Variants in MDN1 observed in about 807,000 individuals in gnomAD.
The protein encoded by MDN1 is midasin.
MDN1 carries 266 observed loss-of-function variants against 669.2 expected under a neutral mutation model. The ratio of observed to expected loss-of-function variants is 0.40; its 90% CI spans 0.36 to 0.44. The LOEUF is 0.44. Ranked by LOEUF, MDN1 falls within the 20% of genes least tolerant of loss-of-function variation. The pLI is 1.00. For synonymous variants in MDN1, 2,385 were observed against 2,457.1 expected, an observed-to-expected ratio of 0.97 and a Z score of 0.87; for missense variants, 5,940 against 6,754.0, an observed-to-expected ratio of 0.88 and a Z score of 4.22.
Position 89,673,228 on chromosome 6 carries a change from T to A in MDN1, c.13474+8A>T. The stretch of plus-strand genomic sequence containing the variant: ...ACTTTCATTCCCTGACTGAACAATA[T>A]TCCTTACCTCCTTGGCTATCTGAAG... On this transcript the variant is annotated splice_region_variant and intron_variant, in intron 80 of 101. Coordinates refer to ENST00000369393, the MANE Select transcript of MDN1 (RefSeq NM_014611.3). 1 of 1,606,780 alleles carries A rather than the reference T, an allele frequency of 6.2e-7. No homozygotes were observed. The highest frequency in any genetic ancestry group is 8.5e-7 in the Non-Finnish European group (1 of 1,173,300).
At chr6:89,666,986 T>C (rs1165908508) in intron 84 of MDN1, among the ~76,000 whole-genome samples, 5 of 152,248 alleles carry the variant, frequency 3.3e-5, no homozygotes, top group Non-Finnish European at 7.3e-5. Flanking sequence ...TAAATATCCA[T>C]GTGTAGACAT....
chr6:89,772,579 T>C lies in MDN1; in HGVS notation c.2077A>G (p.Ile693Val), dbSNP rs967596606. The C allele has an allele frequency of 6.2e-6, 10 of 1,614,000 alleles. No individual in the cohort carries two copies. The highest frequency in any genetic ancestry group is 8.5e-6 in the Non-Finnish European group (10 of 1,179,956). Residue 693 changes from isoleucine to valine, a missense_variant, in exon 14 of 102, where the codon ATT (isoleucine) becomes GTT (valine). This residue lies in a region of MDN1 where 1,203 missense variants were observed against 1,268.9 expected (regional missense o/e 0.95). Coordinates refer to ENST00000369393, the MANE Select transcript of MDN1 (RefSeq NM_014611.3). ...TATTTCCTCTAGGGATTACCTGTAA[T>C]GTGAGCCAAGTATTGGATGGTAGAG... is the stretch of plus-strand genomic sequence containing the variant. ...KTSTIQYLAH[I>V]TGHRLRVVNM...
At chr6:89,699,517 T>C in intron 58 of MDN1, 84 bp downstream of exon 58, 1 of 1,451,222 alleles carries the variant, frequency 6.9e-7, no homozygotes, top group South Asian at 1.5e-5. Flanking sequence ...TGAGAATAAA[T>C]AAAATGTTTC....
chr6:89,645,279 C>G, intron 100 of MDN1, 122 bp from the exon 101 acceptor site: 3 of 1,054,344 alleles, frequency 2.8e-6, no homozygotes, highest in Non-Finnish European at 4.0e-6. Context: ...CTAAACAGAC[C>G]TCTAAAGCTG....
chr6:89,796,091 G>A (rs1349067141), intron 2 of MDN1, among the ~76,000 whole-genome samples: 1 of 152,016 alleles, frequency 6.6e-6, no homozygotes, highest in Non-Finnish European at 1.5e-5. Flanking sequence ...TTGGGAGGCT[G>A]AGGTAGGCAG....
chr6:89,803,457 G>T lies in MDN1; in HGVS notation c.200C>A (p.Pro67His). The change falls in exon 2 of 102, where the codon CCT becomes CAT. Residue 67 changes from proline (P) to histidine (H), a missense_variant. Around this residue, in one of 5 missense-constraint regions of MDN1, gnomAD observed 1,203 missense variants for 1,268.9 expected, o/e 0.95. Coordinates refer to ENST00000369393, the MANE Select transcript of MDN1 (RefSeq NM_014611.3). ...CTVLVGRQLR[P>H]LLLDLLERNA... ...CCTTTCCAGCAAATCCAAAAGGAGA[G>T]GGCGAAGCTGGCGACCAACCAGCAC... 6.2e-7 allele frequency: 1 copy of T among 1,614,154 alleles called. No individual in the cohort carries two copies. The highest frequency in any genetic ancestry group is 8.5e-7 in the Non-Finnish European group (1 of 1,180,014).
chr6:89,710,619 C>A (rs1451924219), intron 50 of MDN1, 62 bp downstream of exon 50: 1 of 951,072 alleles, frequency 1.1e-6, no homozygotes. Flanking sequence ...GATCTTTTCC[C>A]CATAAAGTCA....
chr6:89,753,767 G>A (rs1817085678), intron 21 of MDN1, 145 bp from the exon 22 acceptor site: 1 of 717,446 alleles, frequency 1.4e-6, no homozygotes. Context: ...GGGAAGGGTA[G>A]GCCAGGCACG....
In MDN1 at chr6:89,689,860, A is replaced by T. The variant is rs1812260785; in HGVS notation, c.11023+10T>A. On this transcript the variant is annotated intron_variant, in intron 65 of 101. Transcript: ENST00000369393. ...TTTCCCAGGGGCATAACAAAAGTAAACTACCATACCCATCAGGGGGTAGAA... is the reference window on the plus strand; with the variant it reads ...TTTCCCAGGGGCATAACAAAAGTAATCTACCATACCCATCAGGGGGTAGAA... 6.2e-7 allele frequency: 1 copy of T among 1,608,956 alleles called. No homozygotes were observed. The highest frequency in any genetic ancestry group is 8.5e-7 in the Non-Finnish European group (1 of 1,176,436).
At chr6:89,776,456 G>A (rs966055614) in intron 12 of MDN1, 144 bp downstream of exon 12, 6 of 602,188 alleles carry the variant, frequency 1.0e-5, no homozygotes, top group African/African-American at 5.6e-5. Context: ...GTATGCCCAC[G>A]AGAGGCTGCA....
chr6:89,746,278 T>C (rs1238165501), intron 27 of MDN1, among the ~76,000 whole-genome samples: 2 of 152,148 alleles, frequency 1.3e-5, no homozygotes, highest in Non-Finnish European at 2.9e-5. Context: ...TGCTTTACTG[T>C]TTGTTACACC....
rs1400060499 is a variant in MDN1 at position 89,695,710 on chromosome 6, G to T, written c.9666C>A (p.Ser3222Arg). ...RSLPEPAQRG[S>R]LWVSLGLLQI... ...GGAGCAAGCCGAGGCTCACCCAGAG[G>T]CTCCCACGCTGGGCTGGCTCAGGCA... The change falls in exon 61 of 102, where the codon AGC (serine) becomes AGA (arginine). Residue 3222 changes from serine (S) to arginine (R), a missense_variant. Ser to Arg is a moderately radical substitution (Grantham distance 110, BLOSUM62 -1). This residue lies in a region of MDN1 where 2,292 missense variants were observed against 2,638.3 expected (regional missense o/e 0.87). Transcript: ENST00000369393. The surrounding 1 kb of genome is among the most constrained non-coding windows in gnomAD (Gnocchi z 4.1). The T allele has an allele frequency of 6.2e-7, 1 of 1,613,632 alleles. No homozygotes were observed. Among genetic ancestry groups the T allele is most frequent in the Non-Finnish European group, 8.5e-7 (1 of 1,180,028 alleles).
In MDN1 at chr6:89,672,535, T is replaced by C. The variant is rs756830561; in HGVS notation, c.13630+12A>G. 1 of 1,606,006 alleles carries C rather than the reference T, an allele frequency of 6.2e-7. No homozygotes were observed. Among genetic ancestry groups the C allele is most frequent in the Non-Finnish European group, 8.5e-7 (1 of 1,177,128 alleles). On this transcript the variant is annotated intron_variant, in intron 81 of 101. Coordinates refer to ENST00000369393, the MANE Select transcript of MDN1 (RefSeq NM_014611.3). ...AGGCATGAAACTAATTTCTGCCTGATTTCAGACATACCATAATCTTCTTGT... is the reference window on the plus strand; with the variant it reads ...AGGCATGAAACTAATTTCTGCCTGACTTCAGACATACCATAATCTTCTTGT...
chr6:89,796,338 A>AAC (rs541836279), intron 2 of MDN1, among the ~76,000 whole-genome samples: 12,852 of 133,768 alleles, frequency 0.096, 805 homozygotes, highest in Non-Finnish European at 0.13. Flanking sequence ...AAAAAAAAAA[A>AAC]AAAAAAAAAA....
At chr6:89,659,714 G>A (rs1195456341) in intron 88 of MDN1, among the ~76,000 whole-genome samples, 1 of 152,134 alleles carries the variant, frequency 6.6e-6, no homozygotes, top group Non-Finnish European at 1.5e-5. Flanking sequence ...GCAGCTTAAT[G>A]CTCAATTATC....
chr6:89,783,281 G>C (rs536942185), intron 9 of MDN1, among the ~76,000 whole-genome samples: 1 of 152,086 alleles, frequency 6.6e-6, no homozygotes, highest in African/African-American at 2.4e-5. Context: ...CATTCCCGGG[G>C]GGGAGGTCTA....
intron 2 of MDN1, among the ~76,000 whole-genome samples, chr6:89,795,845 T>C (rs1032428433): frequency 3.3e-5 from 5 of 151,608 alleles, no homozygotes; most frequent in African/African-American, 1.2e-4. Flanking sequence ...ATCCCAGCTA[T>C]TCGGGACGTC....
Position 89,642,677 on chromosome 6 carries a change from T to TGTTAG in MDN1, c.*1327_*1328insCTAAC, listed in dbSNP as rs1465423170. 6.6e-6 allele frequency: 1 copy of TGTTAG among 152,240 alleles called. No individual in the cohort carries two copies. The highest frequency in any genetic ancestry group is 2.4e-5 in the African/African-American group (1 of 41,460). 9.4% of individuals were successfully genotyped at this position (152,240 alleles called of 1,614,324 possible). On this transcript the variant is annotated 3_prime_UTR_variant, in exon 102 of 102. Coordinates refer to ENST00000369393, the MANE Select transcript of MDN1 (RefSeq NM_014611.3). ...AGGAGGGGATCATGTTAGCACAGCA[T>TGTTAG]CAACTAGTAACAGCTGACTGACTGA...
At chr6:89,742,257 G>T (rs1280423857) in intron 31 of MDN1, among the ~76,000 whole-genome samples, 1 of 152,006 alleles carries the variant, frequency 6.6e-6, no homozygotes, top group Non-Finnish European at 1.5e-5. Flanking sequence ...TACTAAAAAT[G>T]CAAAAATTAG....
Sources: allele counts gnomAD v4.1 joint callset (sites outside exome capture counted in the v4.1 genomes callset), GRCh38; gene constraint gnomAD v4.1.1; regional missense constraint gnomAD v4.1.1; non-coding constraint Gnocchi (gnomAD v3.1); transcripts MANE v1.5; gene names NCBI Gene and HGNC (gene_info 2026-07-23, HGNC 2026-07-21).